Variants in TESK2 observed in about 807,000 individuals in gnomAD.
The protein encoded by TESK2 is dual specificity testis-specific protein kinase 2.
A neutral mutation model predicts 57.1 loss-of-function variants in TESK2; 39 were observed. That is an observed-to-expected ratio of 0.68 (90% confidence interval 0.53 to 0.89). TESK2 has a LOEUF of 0.89. Among genes scored for constraint, TESK2 ranks in the 40% least tolerant of loss-of-function variants. The probability of loss-of-function intolerance (pLI) is 0.00; values close to 1 mark genes in which losing one functional copy is unlikely to be tolerated. For missense variants in TESK2, 646 were observed against 732.1 expected (o/e 0.88, Z 1.36); for synonymous variants, 249 against 267.9 (o/e 0.93, Z 0.69).
chr1:45,346,646 G>T lies in TESK2; in HGVS notation c.879+47C>A, dbSNP rs751500656. 13 of 1,529,674 alleles carry T rather than the reference G, an allele frequency of 8.5e-6. No homozygotes were observed. In the East Asian group the frequency reaches 2.3e-4, roughly 27 times the overall value. 94.8% of individuals were successfully genotyped at this position (1,529,674 alleles called of 1,614,324 possible). On this transcript the variant is annotated intron_variant, in intron 9 of 10. Transcript: ENST00000372086. ...CTGTACAGTCCTAACCAGGTGAAAA[G>T]GGTTCAGCCAGCCCCTGATGAAAGG...
At chr1:45,382,639 G>A (rs867456053) in intron 4 of TESK2, among the ~76,000 whole-genome samples, 1 of 152,200 alleles carries the variant, frequency 6.6e-6, no homozygotes, top group Non-Finnish European at 1.5e-5. Context: ...GGGAGGCCAA[G>A]GCAGGCGGAT....
chr1:45,440,141 G>A (rs192054817), intron 2 of TESK2, among the ~76,000 whole-genome samples: 6 of 152,002 alleles, frequency 3.9e-5, no homozygotes, highest in East Asian at 2.0e-4. Context: ...TTGTAGAGAC[G>A]GGGATTCACC....
At chr1:45,409,464 G>A (rs1388860252) in intron 3 of TESK2, among the ~76,000 whole-genome samples, 1 of 152,202 alleles carries the variant, frequency 6.6e-6, no homozygotes, top group Non-Finnish European at 1.5e-5. Flanking sequence ...AGCCACGTAG[G>A]CCAAATCATT....
intron 1 of TESK2, among the ~76,000 whole-genome samples, chr1:45,469,137 G>A (rs989462932): frequency 9.2e-5 from 14 of 151,966 alleles, no homozygotes; most frequent in African/African-American, 3.1e-4. Context: ...TAAAAGCTTT[G>A]ATTGGGGAAA....
chr1:45,382,318 A>G (rs1184690228), intron 4 of TESK2, among the ~76,000 whole-genome samples: 1 of 152,170 alleles, frequency 6.6e-6, no homozygotes, highest in Non-Finnish European at 1.5e-5. Context: ...GGCTCACTGC[A>G]GCCTCAACCT....
Position 45,351,848 on chromosome 1 carries a change from T to C in TESK2, c.540+3455A>G, listed in dbSNP as rs553811527. ...GGCCCAGGAAGACTTTATACTCTCA[T>C]AGGCTCTGTGCTAGGTGGTAAGAAA... On this transcript the variant is annotated intron_variant, in intron 5 of 10. Coordinates refer to ENST00000372086, the MANE Select transcript of TESK2 (RefSeq NM_007170.3). 2.2e-3 allele frequency among the ~76,000 whole-genome samples: 335 copies of C among 152,208 alleles called. 2 individuals carry two copies. The highest frequency in any genetic ancestry group is 0.01 in the Middle Eastern group (3 of 294).
At chr1:45,397,644 G>A (rs754470660) in intron 3 of TESK2, among the ~76,000 whole-genome samples, 3 of 151,928 alleles carry the variant, frequency 2.0e-5, no homozygotes, top group Admixed American at 6.6e-5. Context: ...AGCCAGCACC[G>A]CCTGCAGGCT....
At chr1:45,472,029 A>G (rs1264304729) in intron 1 of TESK2, among the ~76,000 whole-genome samples, 1 of 151,700 alleles carries the variant, frequency 6.6e-6, no homozygotes, top group East Asian at 1.9e-4. Context: ...AGGCGGGTGG[A>G]TCATGAGGTC....
In TESK2 at chr1:45,345,529, G is replaced by A. The variant is rs778298692; in HGVS notation, c.1027C>T (p.Arg343Ter). ...ATCTTGTCATCCAGTGAGCTTAGTC[G>A]CTTCACCCCAGGTGCTTTCTCCAAG... ...GLLEKAPGVK[R>*]LSSLDDKIPH... Residue 343 changes from arginine to a stop codon, truncating the protein, a stop_gained, in exon 11 of 11, where the codon CGA (arginine) becomes TGA (stop). Transcript: ENST00000372086. LOFTEE classifies it high-confidence loss of function. 6 of 1,613,846 alleles carry A rather than the reference G, an allele frequency of 3.7e-6. No homozygotes were observed. The highest frequency in any genetic ancestry group is 2.2e-5 in the South Asian group (2 of 91,076).
chr1:45,486,185 T>G (rs1446851973), intron 1 of TESK2, among the ~76,000 whole-genome samples: 1 of 152,186 alleles, frequency 6.6e-6, no homozygotes, highest in African/African-American at 2.4e-5. Flanking sequence ...ATAGCCATTG[T>G]TGGGTCAAAA....
At chr1:45,420,372 G>A (rs1002334132) in intron 3 of TESK2, among the ~76,000 whole-genome samples, 1 of 151,010 alleles carries the variant, frequency 6.6e-6, no homozygotes, top group Non-Finnish European at 1.5e-5. Context: ...CCGAGTAGCT[G>A]AAACTACAGG....
At chr1:45,413,843 G>A in intron 3 of TESK2, 1 of 455,924 alleles carries the variant, frequency 2.2e-6, no homozygotes, top group Non-Finnish European at 4.4e-6. Flanking sequence ...CTCAATTTGG[G>A]GAAAAATTCT....
chr1:45,344,925 A>G lies in TESK2; in HGVS notation c.1631T>C (p.Val544Ala), dbSNP rs1007257112. 5 of 1,613,914 alleles carry G rather than the reference A, an allele frequency of 3.1e-6. No homozygotes were observed. ...CPAGASEEME[V>A]EERPAGSTPA... is the part of the protein sequence containing the mutation. ...AGTTGAGCCTGCTGGCCTTTCTTCT[A>G]CCTCCATCTCCTCAGAAGCACCCGC... The change falls in exon 11 of 11, where the codon GTA (valine) becomes GCA (alanine). Residue 544 changes from valine (V) to alanine (A), a missense_variant. Transcript: ENST00000372086.
In TESK2 at chr1:45,346,827, C is replaced by A. The variant is rs749351552; in HGVS notation, c.793-48G>T. ...TAGGTAGACAGTTCATTAATCCCCC[C>A]ACCCATCCTAGCCTGCTCAGTAGAA... On this transcript the variant is annotated intron_variant, in intron 8 of 10. Transcript: ENST00000372086. 4.4e-6 allele frequency: 7 copies of A among 1,579,650 alleles called. No homozygotes were observed. The African/African-American group carries it at 5.4e-5, about 12-fold the overall frequency.
At chr1:45,460,380 C>T (rs1402707505) in intron 1 of TESK2, among the ~76,000 whole-genome samples, 2 of 151,788 alleles carry the variant, frequency 1.3e-5, no homozygotes, top group African/African-American at 2.4e-5. Context: ...ATTAGCTGGG[C>T]GTGGTGGCAG....
At chr1:45,466,367 C>T (rs1198260912) in intron 1 of TESK2, among the ~76,000 whole-genome samples, 11 of 152,022 alleles carry the variant, frequency 7.2e-5, no homozygotes, top group Admixed American at 7.2e-4. Context: ...CCCAGCTACT[C>T]AGGAGGCTGA....
chr1:45,384,526 C>G (rs914709166), intron 4 of TESK2, among the ~76,000 whole-genome samples: 8 of 149,806 alleles, frequency 5.3e-5, no homozygotes, highest in Middle Eastern at 3.5e-3. Flanking sequence ...CTCAAGCAAT[C>G]TTGCTGCCCC....
intron 1 of TESK2, among the ~76,000 whole-genome samples, chr1:45,466,825 C>G (rs750398971): frequency 6.6e-6 from 1 of 151,524 alleles, no homozygotes; most frequent in Non-Finnish European, 1.5e-5. Flanking sequence ...CTCTAGTTCC[C>G]TATCTGAAAA....
chr1:45,475,270 G>A (rs1388531846), intron 1 of TESK2, among the ~76,000 whole-genome samples: 8 of 143,770 alleles, frequency 5.6e-5, no homozygotes, highest in Admixed American at 2.2e-4. Context: ...GCAGTGACGC[G>A]ATCTTGGTTC....
Sources: gnomAD v4.1 joint callset for allele counts (sites outside exome capture counted in the v4.1 genomes callset) on GRCh38, gnomAD v4.1.1 for gene constraint, MANE v1.5 for transcripts, NCBI Gene and HGNC (gene_info 2026-07-23, HGNC 2026-07-21) for gene names.